RNF4: variants seen among roughly 807,000 people sequenced by gnomAD.
The protein encoded by RNF4 is E3 ubiquitin-protein ligase RNF4.
A neutral mutation model predicts 24.3 loss-of-function variants in RNF4; 7 were observed. That is an observed-to-expected ratio of 0.29 (90% CI 0.16 to 0.54). The LOEUF (loss-of-function observed/expected upper bound fraction) is 0.54, where lower values mean the gene tolerates loss of function less well. Ranked by LOEUF, RNF4 falls within the 20% of genes least tolerant of loss-of-function variation. The pLI is 0.95. For synonymous variants in RNF4, 83 were observed against 84.3 expected, an observed-to-expected ratio of 0.98 and a Z score of 0.09; for missense variants, 209 against 248.5, an observed-to-expected ratio of 0.84 and a Z score of 1.07.
At chr4:2,488,901 C>T (rs1467397778) in intron 1 of RNF4, among the ~76,000 whole-genome samples, 3 of 152,032 alleles carry the variant, frequency 2.0e-5, no homozygotes, top group Admixed American at 6.6e-5. Context: ...TCCTCTGCCT[C>T]CCAGGTTCAA....
Position 2,514,257 on chromosome 4 carries a change from G to A in RNF4, c.*438G>A, listed in dbSNP as rs1736350994. 1 of 186,274 alleles carries A rather than the reference G, an allele frequency of 5.4e-6. No homozygotes were observed. The highest frequency in any genetic ancestry group is 1.1e-5 in the Non-Finnish European group (1 of 87,422). 11.5% of individuals were successfully genotyped at this position (186,274 alleles called of 1,614,324 possible). ...CCAGACCCGGTTCACCCAGCTCGAGGATCCCAGGTTGAAGAGTGGCCCCTT... is the reference window on the plus strand; with the variant it reads ...CCAGACCCGGTTCACCCAGCTCGAGAATCCCAGGTTGAAGAGTGGCCCCTT... On this transcript the variant is annotated 3_prime_UTR_variant, in exon 8 of 8. Transcript: ENST00000314289.
At chr4:2,473,616 G>A (rs757638814) in intron 1 of RNF4, among the ~76,000 whole-genome samples, 13 of 146,270 alleles carry the variant, frequency 8.9e-5, no homozygotes, top group Admixed American at 1.4e-4. Context: ...TTCACAACCA[G>A]CCTGGCCAGA....
intron 4 of RNF4, among the ~76,000 whole-genome samples, chr4:2,507,887 C>G (rs1736148457): frequency 6.6e-6 from 1 of 151,708 alleles, no homozygotes; most frequent in African/African-American, 2.4e-5. Flanking sequence ...CAGGGTGTTG[C>G]TCTGTTGCCC....
chr4:2,484,331 A>G (rs1195627825), intron 1 of RNF4, among the ~76,000 whole-genome samples: 2 of 151,856 alleles, frequency 1.3e-5, no homozygotes, highest in Non-Finnish European at 2.9e-5. Context: ...CTCTTTGCTC[A>G]TAGGAATACA....
At chr4:2,472,042 T>A (rs1055457345) in intron 1 of RNF4, among the ~76,000 whole-genome samples, 3 of 152,158 alleles carry the variant, frequency 2.0e-5, no homozygotes, top group Middle Eastern at 3.4e-3. Context: ...GAAAAAAAAA[T>A]ACTATCTAGG....
chr4:2,492,022 C>T (rs1412811701), intron 2 of RNF4, among the ~76,000 whole-genome samples: 1 of 151,820 alleles, frequency 6.6e-6, no homozygotes, highest in South Asian at 2.1e-4. Flanking sequence ...CACGGTGAAA[C>T]CCCGTCTCTA....
intron 4 of RNF4, among the ~76,000 whole-genome samples, chr4:2,507,217 A>G (rs938968716): frequency 2.1e-5 from 3 of 140,420 alleles, no homozygotes; most frequent in Non-Finnish European, 3.1e-5. Flanking sequence ...GGAGGGAGGG[A>G]GGGAAGGAGG....
At chr4:2,476,764 G>A (rs1174064266) in intron 1 of RNF4, among the ~76,000 whole-genome samples, 1 of 149,618 alleles carries the variant, frequency 6.7e-6, no homozygotes, top group Non-Finnish European at 1.5e-5. Context: ...GGGCAGGAGT[G>A]CAGTGGCTAT....
chr4:2,507,309 T>C (rs1437608960), intron 4 of RNF4, among the ~76,000 whole-genome samples: 1 of 152,038 alleles, frequency 6.6e-6, no homozygotes, highest in African/African-American at 2.4e-5. Context: ...CCCAATTCCA[T>C]AGAAAGAAAG....
At chr4:2,504,714 C>G (rs1736017927) in intron 4 of RNF4, among the ~76,000 whole-genome samples, 1 of 134,846 alleles carries the variant, frequency 7.4e-6, no homozygotes. Context: ...CCATGCCCGG[C>G]TCATTTTTTG....
rs541153554 is a variant in RNF4 at position 2,512,201 on chromosome 4, G to T, written c.214+236G>T. On this transcript the variant is annotated intron_variant, in intron 5 of 7. Transcript: ENST00000314289. This position sits in a 1 kb window ranked among gnomAD's most constrained non-coding sequence, Gnocchi z 4.1. ...TATAGTCCTTTCTTGTGGCCTACCAGATTTTGGAGAAGGCTGGTAGCTCAC... is the reference window on the plus strand; with the variant it reads ...TATAGTCCTTTCTTGTGGCCTACCATATTTTGGAGAAGGCTGGTAGCTCAC... The T allele has an allele frequency of 1.5e-6, 1 of 648,036 alleles. No homozygotes were observed. The highest frequency in any genetic ancestry group is 1.9e-5 in the South Asian group (1 of 51,432). The allele number at this position is 648,036 out of a possible 1,614,324, so 40.1% of individuals were successfully genotyped here. A position where few individuals can be genotyped will look rare whatever the true frequency, so the allele number is the denominator to read the frequency against.
At position 2,490,451 on chromosome 4, in the gene RNF4, T is replaced by G. The variant is rs1445974105; in HGVS notation, c.-43T>G. On this transcript the variant is annotated 5_prime_UTR_variant, in exon 2 of 8. Transcript: ENST00000314289. ...ACTTCCCTGCAAACCTTGGTATAGA[T>G]CACTTCCTTTTCTGTAGGAAAGGAA... The G allele has an allele frequency of 1.9e-6, 3 of 1,608,546 alleles. No individual in the cohort carries two copies. The highest frequency in any genetic ancestry group is 2.5e-6 in the Non-Finnish European group (3 of 1,176,906).
intron 3 of RNF4, among the ~76,000 whole-genome samples, chr4:2,499,782 T>A (rs910448709): frequency 6.6e-6 from 1 of 152,188 alleles, no homozygotes; most frequent in African/African-American, 2.4e-5. Flanking sequence ...TTTTGTATGT[T>A]GAGGTTCTAG....
At chr4:2,506,124 G>A (rs960199679) in intron 4 of RNF4, 1 of 152,106 alleles carries the variant, frequency 6.6e-6, no homozygotes, top group African/African-American at 2.4e-5. Flanking sequence ...GGTTCCTTGA[G>A]TCCTATAAAC....
At chr4:2,502,237 C>G (rs923641399) in intron 4 of RNF4, among the ~76,000 whole-genome samples, 4 of 152,108 alleles carry the variant, frequency 2.6e-5, no homozygotes, top group Non-Finnish European at 5.9e-5. Context: ...CTTGAATACT[C>G]AGTGTTCACC....
intron 1 of RNF4, among the ~76,000 whole-genome samples, chr4:2,486,204 A>T (rs1735403616): frequency 6.6e-6 from 1 of 152,130 alleles, no homozygotes; most frequent in Non-Finnish European, 1.5e-5. Flanking sequence ...TGGTGATATT[A>T]ATATTTAGGA....
At chr4:2,495,743 C>T (rs1377890305) in intron 2 of RNF4, among the ~76,000 whole-genome samples, 1 of 152,164 alleles carries the variant, frequency 6.6e-6, no homozygotes, top group Non-Finnish European at 1.5e-5. Context: ...AGTGATTCTC[C>T]TGCCTCAGCC....
intron 3 of RNF4, among the ~76,000 whole-genome samples, chr4:2,498,187 T>C (rs1212705755): frequency 6.6e-6 from 1 of 152,068 alleles, no homozygotes; most frequent in Non-Finnish European, 1.5e-5. Flanking sequence ...CACTGTTTTG[T>C]TTTTGTTTCT....
At chr4:2,474,400 AG>A (rs1413440034) in intron 1 of RNF4, among the ~76,000 whole-genome samples, 1 of 146,032 alleles carries the variant, frequency 6.8e-6, no homozygotes, top group Non-Finnish European at 1.5e-5. Flanking sequence ...AAAAAAAAAA[AG>A]TAGAACCTGA....
Sources: gnomAD v4.1 joint callset for allele counts (sites outside exome capture counted in the v4.1 genomes callset) on GRCh38, gnomAD v4.1.1 for gene constraint, Gnocchi (gnomAD v3.1) non-coding constraint, MANE v1.5 for transcripts, NCBI Gene and HGNC (gene_info 2026-07-23, HGNC 2026-07-21) for gene names.